The following ADCY7 variants were observed in gnomAD, a reference collection of about 807,000 sequenced individuals.
The protein encoded by ADCY7 is adenylate cyclase type 7.
Under a neutral mutation model 120.6 loss-of-function variants are expected in ADCY7, and 72 were observed. The observed-to-expected ratio is 0.60, with a 90% CI of 0.49 to 0.73. ADCY7 has a LOEUF of 0.73. Ranked by LOEUF, ADCY7 falls within the 30% of genes least tolerant of loss-of-function variation. The pLI is 0.00. For synonymous variants in ADCY7, 661 were observed against 628.0 expected, an observed-to-expected ratio of 1.05 and a Z score of -0.78; for missense variants, 1,227 against 1,486.0, an observed-to-expected ratio of 0.83 and a Z score of 2.87.
At chr16:50,253,260 C>CT (rs749797828) in intron 1 of ADCY7, among the ~76,000 whole-genome samples, 13 of 152,038 alleles carry the variant, frequency 8.6e-5, no homozygotes, top group Non-Finnish European at 1.5e-4. Context: ...TCTTTTCTTT[C>CT]TTTTTTCTGA....
At chr16:50,287,552 C>A (rs559681323) in intron 1 of ADCY7, among the ~76,000 whole-genome samples, 150 of 151,722 alleles carry the variant, frequency 9.9e-4, no homozygotes, top group African/African-American at 3.4e-3. Context: ...ATTAGCTGCA[C>A]ACCTGTAGTC....
chr16:50,293,569 C>A, intron 6 of ADCY7, 67 bp downstream of exon 6: 2 of 1,555,884 alleles, frequency 1.3e-6, no homozygotes, highest in Non-Finnish European at 1.7e-6. Flanking sequence ...GGCCCCCAGG[C>A]GGCCTCCCCG....
Position 50,288,290 on chromosome 16 carries a change from G to C in ADCY7, c.111G>C (p.Thr37=). The C allele has an allele frequency of 6.4e-7, 1 of 1,550,882 alleles. No homozygotes were observed. The highest frequency in any genetic ancestry group is 1.2e-5 in the South Asian group (1 of 84,028). Reference sequence around the variant, plus strand: ...GCCAGCATGGGCCGCTGCTGCTCACGCTCCTGCTGGTGGCCGCCACTGCCT... The same window carrying C: ...GCCAGCATGGGCCGCTGCTGCTCACCCTCCTGCTGGTGGCCGCCACTGCCT... ...LTSQHGPLLL[T]LLLVAATACV... is the part of the protein sequence containing the mutation. Residue 37 remains threonine, a synonymous_variant, in exon 2 of 26, where the codon ACG becomes ACC. Coordinates refer to ENST00000673801, the MANE Select transcript of ADCY7 (RefSeq NM_001114.5).
Position 50,288,131 on chromosome 16 carries a change from TG to T in ADCY7, c.-45del. The T allele has an allele frequency of 1.3e-6, 2 of 1,503,960 alleles. No homozygotes were observed. The highest frequency in any genetic ancestry group is 1.3e-5 in the South Asian group (1 of 76,506). 93.2% of individuals were successfully genotyped at this position (1,503,960 alleles called of 1,614,324 possible). On this transcript the variant is annotated 5_prime_UTR_variant, in exon 2 of 26. An upstream open reading frame in the 5' UTR gains an earlier in-frame stop. Transcript: ENST00000673801. Reference sequence around the variant, plus strand: ...TGGCAGACAGATGCCCTCCAGGCCCTGGGGCCTCCTTAACGGCCCCTTAACG... The same window carrying T: ...TGGCAGACAGATGCCCTCCAGGCCCTGGGCCTCCTTAACGGCCCCTTAACG...
At chr16:50,301,240 G>C (rs753387471) in intron 10 of ADCY7, 26 bp downstream of exon 10, 14 of 754,416 alleles carry the variant, frequency 1.9e-5, no homozygotes, top group Middle Eastern at 3.8e-4. Flanking sequence ...GGCCGCAGCT[G>C]GGGGGGACCC....
At chr16:50,269,659 C>G (rs1448555183) in intron 1 of ADCY7, among the ~76,000 whole-genome samples, 4 of 152,166 alleles carry the variant, frequency 2.6e-5, no homozygotes, top group African/African-American at 9.7e-5. Flanking sequence ...CAGCACCGCT[C>G]CTTGCCTCCC....
intron 16 of ADCY7, 62 bp downstream of exon 16, chr16:50,308,473 G>A: frequency 6.2e-7 from 1 of 1,606,714 alleles, no homozygotes; most frequent in Admixed American, 1.7e-5. Flanking sequence ...CTGCCTAGGA[G>A]CCCTCCCTGG....
chr16:50,254,133 G>A (rs2032842410), intron 1 of ADCY7, among the ~76,000 whole-genome samples: 1 of 152,208 alleles, frequency 6.6e-6, no homozygotes, highest in Non-Finnish European at 1.5e-5. Context: ...TGTGAGACAT[G>A]GAGGAGATGG....
intron 10 of ADCY7, among the ~76,000 whole-genome samples, chr16:50,303,682 A>G (rs772812954): frequency 4.6e-5 from 7 of 152,096 alleles, no homozygotes; most frequent in Non-Finnish European, 8.8e-5. Context: ...TGGCTGAACT[A>G]CTGAGTGTCC....
At chr16:50,258,356 T>C (rs533946588) in intron 1 of ADCY7, among the ~76,000 whole-genome samples, 1 of 152,340 alleles carries the variant, frequency 6.6e-6, no homozygotes, top group African/African-American at 2.4e-5. Flanking sequence ...TGTGGTGTTT[T>C]TGTTGAAGCT....
upstream of ADCY7, among the ~76,000 whole-genome samples, chr16:50,264,387 G>T (rs1395764484): frequency 6.6e-6 from 1 of 152,160 alleles, no homozygotes; most frequent in African/African-American, 2.4e-5. Context: ...AGGATGTTTG[G>T]GTTTGCAGTT....
rs142865975 is a variant in ADCY7 at position 50,293,417 on chromosome 16, G to A, written c.751G>A (p.Glu251Lys). The change falls in exon 6 of 26, where the codon GAA (glutamate) becomes AAA (lysine). Residue 251 changes from glutamate to lysine, a missense_variant. By Grantham distance (56) the Glu-to-Lys change is moderately conservative. Coordinates refer to ENST00000673801, the MANE Select transcript of ADCY7 (RefSeq NM_001114.5). ...ISMGMKLAII[E>K]RLKEHGDRRC... ...CATGGGCATGAAGCTGGCCATCATC[G>A]AACGGCTCAAGGAGCATGGTGACCG... 1 of 1,614,032 alleles carries A rather than the reference G, an allele frequency of 6.2e-7. No individual in the cohort carries two copies. The highest frequency in any genetic ancestry group is 8.5e-7 in the Non-Finnish European group (1 of 1,180,018).
At chr16:50,310,997 C>G in intron 19 of ADCY7, 117 bp downstream of exon 19, 1 of 1,089,138 alleles carries the variant, frequency 9.2e-7, no homozygotes, top group Non-Finnish European at 1.3e-6. Context: ...CAGGGCGGGG[C>G]TGGCAGATGG....
At position 50,311,708 on chromosome 16, in the gene ADCY7, T is replaced by A; in HGVS notation, c.2370T>A (p.Cys790Ter). 6.2e-7 allele frequency: 1 copy of A among 1,613,514 alleles called. No individual in the cohort carries two copies. The highest frequency in any genetic ancestry group is 8.5e-7 in the Non-Finnish European group (1 of 1,179,662). The change falls in exon 20 of 26, where the codon TGT (cysteine) becomes TGA (stop). Residue 790 changes from cysteine (C) to a stop codon, truncating the protein, a stop_gained. Coordinates refer to ENST00000673801, the MANE Select transcript of ADCY7 (RefSeq NM_001114.5). LOFTEE classifies it high-confidence loss of function. ...TCGCATTCAGTGGCACCCCTAGCTG[T>A]TCCTGGAAGGACCTGAAGACCATGA... ...PNGTTSGTPSCSWKDLKTMTN... is the reference protein window; with the variant it reads ...PNGTTSGTPS
intron 1 of ADCY7, among the ~76,000 whole-genome samples, chr16:50,253,040 G>C (rs988304418): frequency 6.6e-6 from 1 of 152,170 alleles, no homozygotes; most frequent in Non-Finnish European, 1.5e-5. Context: ...GGAGTTGGGG[G>C]TCAGGGAGGT....
upstream of ADCY7, among the ~76,000 whole-genome samples, chr16:50,264,274 A>G (rs976580494): frequency 3.9e-5 from 6 of 152,188 alleles, no homozygotes; most frequent in African/African-American, 1.4e-4. Context: ...CATCTTGGAT[A>G]TTCATTCATG....
intron 1 of ADCY7, among the ~76,000 whole-genome samples, chr16:50,258,077 T>A (rs1245764110): frequency 6.6e-6 from 1 of 151,932 alleles, no homozygotes; most frequent in Admixed American, 6.6e-5. Context: ...AAAATCAGGA[T>A]CCAGAGCCAG....
At chr16:50,272,770 CCTT>C (rs898980648) in intron 1 of ADCY7, among the ~76,000 whole-genome samples, 10 of 152,074 alleles carry the variant, frequency 6.6e-5, no homozygotes, top group African/African-American at 2.2e-4. Context: ...GATGAGACCT[CCTT>C]CTGTGTGTGT....
At position 50,315,006 on chromosome 16, in the gene ADCY7, A is replaced by G. The variant is rs1328154162; in HGVS notation, c.2972-8A>G. 6.8e-6 allele frequency: 11 copies of G among 1,614,098 alleles called. No homozygotes were observed. The highest frequency in any genetic ancestry group is 9.3e-6 in the Non-Finnish European group (11 of 1,179,980). ...GCACGCTTGGGTAACTGTAAACATC[A>G]TCTTCAGGCATAAACCATGGGCCTG... On this transcript the variant is annotated splice_polypyrimidine_tract_variant and splice_region_variant and intron_variant, in intron 24 of 25. Transcript: ENST00000673801.
Sources: gnomAD v4.1 joint callset for allele counts (sites outside exome capture counted in the v4.1 genomes callset) on GRCh38, gnomAD v4.1.1 for gene constraint, MANE v1.5 for transcripts, NCBI Gene and HGNC (gene_info 2026-07-23, HGNC 2026-07-21) for gene names.